FRMD4A: variants seen among roughly 807,000 people sequenced by gnomAD.
FRMD4A encodes FERM domain containing 4A.
In FRMD4A, 29 loss-of-function variants were observed where a neutral mutation model predicts 129.1. The ratio of observed to expected loss-of-function variants is 0.22; its 90% CI spans 0.17 to 0.31. FRMD4A has a LOEUF of 0.31. FRMD4A is among the 10% of genes least tolerant of loss of function. The pLI is 1.00. For synonymous variants in FRMD4A, 634 were observed against 571.6 expected, an observed-to-expected ratio of 1.11 and a Z score of -1.56; for missense variants, 1,272 against 1,375.8, an observed-to-expected ratio of 0.92 and a Z score of 1.19.
chr10:14,088,628 C>G (rs572628879), intron 2 of FRMD4A, among the ~76,000 whole-genome samples: 2 of 151,194 alleles, frequency 1.3e-5, no homozygotes, highest in Admixed American at 6.6e-5. Flanking sequence ...ACTAGCCGGA[C>G]GTGATGGCGC....
At chr10:13,660,210 A>T in intron 20 of FRMD4A, 106 bp downstream of exon 20, 1 of 743,526 alleles carries the variant, frequency 1.3e-6, no homozygotes, top group Non-Finnish European at 2.3e-6. Flanking sequence ...GGGAGGAACT[A>T]GGTTGATGTG....
intron 2 of FRMD4A, among the ~76,000 whole-genome samples, chr10:14,265,449 G>T (rs1449159290): frequency 6.6e-6 from 1 of 152,138 alleles, no homozygotes; most frequent in Non-Finnish European, 1.5e-5. Context: ...TTGTATTTAT[G>T]TGATATTAAA....
chr10:13,876,771 A>G (rs1365077959), intron 2 of FRMD4A, among the ~76,000 whole-genome samples: 3 of 151,978 alleles, frequency 2.0e-5, no homozygotes, highest in African/African-American at 7.2e-5. Flanking sequence ...GAATGATGTG[A>G]CTGCCATAAT....
At chr10:14,217,956 A>G (rs1190914195) in intron 2 of FRMD4A, among the ~76,000 whole-genome samples, 1 of 151,670 alleles carries the variant, frequency 6.6e-6, no homozygotes, top group East Asian at 1.9e-4. Flanking sequence ...TCAGCCTCCT[A>G]AGTAGCTGGG....
At chr10:13,973,827 T>A (rs1391948180) in intron 2 of FRMD4A, among the ~76,000 whole-genome samples, 1 of 152,018 alleles carries the variant, frequency 6.6e-6, no homozygotes, top group African/African-American at 2.4e-5. Context: ...AAGCATACAG[T>A]ACGCAGAAAA....
intron 2 of FRMD4A, among the ~76,000 whole-genome samples, chr10:14,094,379 A>G (rs1038331599): frequency 6.6e-6 from 1 of 152,190 alleles, no homozygotes; most frequent in Non-Finnish European, 1.5e-5. Flanking sequence ...CGATCACAGA[A>G]CTGAAGCAAG....
intron 2 of FRMD4A, among the ~76,000 whole-genome samples, chr10:14,218,581 C>T (rs1367152305): frequency 6.6e-6 from 1 of 152,088 alleles, no homozygotes; most frequent in Non-Finnish European, 1.5e-5. Context: ...TGGCTGGGCA[C>T]GGTGTCTCAC....
chr10:13,656,700 G>A lies in FRMD4A; in HGVS notation c.2889C>T (p.Ser963=). The A allele has an allele frequency of 3.2e-6, 5 of 1,575,358 alleles. No homozygotes were observed. Among genetic ancestry groups the A allele is most frequent in the East Asian group, 2.4e-5 (1 of 41,090 alleles). ...TGCTGTGCGCCACGAAGGTGCTCTG[G>A]GAGGAGGTGCTGTACTGCGAGCCGC... The part of the protein sequence containing the change: ...SDSGSQYSTS[S]QSTFVAHSRV... The change falls in exon 22 of 25, where the codon TCC becomes TCT. Residue 963 remains serine, a synonymous_variant. Coordinates refer to ENST00000357447, the MANE Select transcript of FRMD4A (RefSeq NM_018027.5).
chr10:13,822,888 C>T (rs2093650024), intron 3 of FRMD4A, among the ~76,000 whole-genome samples: 1 of 152,164 alleles, frequency 6.6e-6, no homozygotes, highest in African/African-American at 2.4e-5. Context: ...CTCTCCCCTC[C>T]TTCTCTCTCT....
At chr10:14,238,968 A>T (rs1843932213) in intron 2 of FRMD4A, among the ~76,000 whole-genome samples, 1 of 152,192 alleles carries the variant, frequency 6.6e-6, no homozygotes, top group East Asian at 1.9e-4. Flanking sequence ...AGTCTCTGCT[A>T]CTGTAAATAG....
intron 4 of FRMD4A, among the ~76,000 whole-genome samples, chr10:13,809,262 G>A (rs1228051631): frequency 6.6e-6 from 1 of 152,166 alleles, no homozygotes; most frequent in Non-Finnish European, 1.5e-5. Context: ...TCACACGTTC[G>A]TTTTTCAATT....
chr10:13,694,683 T>A (rs1263155972), intron 14 of FRMD4A, among the ~76,000 whole-genome samples: 1 of 152,068 alleles, frequency 6.6e-6, no homozygotes, highest in African/African-American at 2.4e-5. Context: ...ATCCCATCTA[T>A]ACAAAAAAAT....
intron 4 of FRMD4A, among the ~76,000 whole-genome samples, chr10:13,798,896 A>T (rs2093186417): frequency 6.6e-6 from 1 of 152,176 alleles, no homozygotes; most frequent in African/African-American, 2.4e-5. Context: ...TGATATTTCA[A>T]ACTTCTGTTC....
At chr10:14,325,322 T>C (rs1457348800) in intron 2 of FRMD4A, among the ~76,000 whole-genome samples, 1 of 152,224 alleles carries the variant, frequency 6.6e-6, no homozygotes, top group African/African-American at 2.4e-5. Context: ...GTAATAGAAC[T>C]AGGACCTTGA....
chr10:13,687,792 G>C (rs1271841924), intron 15 of FRMD4A, among the ~76,000 whole-genome samples: 1 of 152,208 alleles, frequency 6.6e-6, no homozygotes, highest in African/African-American at 2.4e-5. Flanking sequence ...CAGAGGCACT[G>C]AGCACCTGCA....
chr10:13,805,551 C>T (rs1032285019), intron 4 of FRMD4A, among the ~76,000 whole-genome samples: 1 of 151,978 alleles, frequency 6.6e-6, no homozygotes, highest in East Asian at 1.9e-4. Context: ...TAGATTATGA[C>T]AATCATTAAT....
At chr10:14,260,530 G>A (rs1392786434) in intron 2 of FRMD4A, among the ~76,000 whole-genome samples, 23 of 152,256 alleles carry the variant, frequency 1.5e-4, no homozygotes, top group Non-Finnish European at 2.9e-5. Flanking sequence ...CACAAGTAAA[G>A]AGTGTTTCCT....
intron 3 of FRMD4A, among the ~76,000 whole-genome samples, chr10:13,813,243 G>A (rs191533768): frequency 1.1e-3 from 162 of 152,344 alleles, no homozygotes; most frequent in African/African-American, 3.7e-3. Context: ...TCAGGAGTTT[G>A]AGACCAGCCT....
At chr10:13,730,859 C>CAAAAA (rs10639026) in intron 12 of FRMD4A, among the ~76,000 whole-genome samples, 23,264 of 90,288 alleles carry the variant, frequency 0.26, 3,206 homozygotes, top group Non-Finnish European at 0.27. Context: ...ACTAAAAATA[C>CAAAAA]AAAAAAAAAA....
Sources: allele counts gnomAD v4.1 joint callset (sites outside exome capture counted in the v4.1 genomes callset), GRCh38; gene constraint gnomAD v4.1.1; transcripts MANE v1.5; gene names NCBI Gene and HGNC (gene_info 2026-07-23, HGNC 2026-07-21).